Variants in LUZP2 observed in about 807,000 individuals in gnomAD.
LUZP2 encodes the protein leucine zipper protein 2.
A neutral mutation model predicts 51.6 loss-of-function variants in LUZP2; 52 were observed. The ratio of observed to expected loss-of-function variants is 1.01; its 90% confidence interval spans 0.81 to 1.27. The LOEUF (loss-of-function observed/expected upper bound fraction) is 1.27, where lower values mean the gene tolerates loss of function less well. Ranked by LOEUF, LUZP2 falls within the 50% of genes most tolerant of loss-of-function variation. The probability of loss-of-function intolerance (pLI) is 0.00; values close to 1 mark genes in which losing one functional copy is unlikely to be tolerated. For synonymous variants in LUZP2, 154 were observed against 137.3 expected (o/e 1.12, Z -0.85); for missense variants, 436 against 395.4 (o/e 1.10, Z -0.87).
chr11:24,781,421 A>T (rs899851740), intron 5 of LUZP2, among the ~76,000 whole-genome samples: 5 of 151,982 alleles, frequency 3.3e-5, no homozygotes, highest in African/African-American at 1.2e-4. Flanking sequence ...TTACTGCACT[A>T]TTTACCATTG....
intron 3 of LUZP2, among the ~76,000 whole-genome samples, chr11:24,736,251 A>G (rs1384712820): frequency 6.6e-6 from 1 of 151,968 alleles, no homozygotes; most frequent in Non-Finnish European, 1.5e-5. Context: ...ATATTCATAC[A>G]TACTCATTGT....
chr11:24,857,533 C>T (rs369633377), intron 5 of LUZP2, among the ~76,000 whole-genome samples: 1 of 149,142 alleles, frequency 6.7e-6, no homozygotes, highest in African/African-American at 2.5e-5. Flanking sequence ...CCTAGCAAAG[C>T]CCTTTTTCAG....
intron 7 of LUZP2, among the ~76,000 whole-genome samples, chr11:24,964,500 A>T (rs1855524495): frequency 1.3e-5 from 2 of 152,142 alleles, no homozygotes; most frequent in African/African-American, 4.8e-5. Context: ...AGTTTACAGG[A>T]CCACATCTCA....
chr11:24,598,100 CAAA>C (rs200140320), intron 1 of LUZP2, among the ~76,000 whole-genome samples: 8 of 100,268 alleles, frequency 8.0e-5, no homozygotes, highest in Admixed American at 2.2e-4. Flanking sequence ...GACTCTGTCT[CAAA>C]AAAAAAAAAA....
chr11:25,004,611 A>G (rs1322627128), intron 9 of LUZP2, among the ~76,000 whole-genome samples: 1 of 152,176 alleles, frequency 6.6e-6, no homozygotes, highest in Non-Finnish European at 1.5e-5. Context: ...ATAGGGGAGT[A>G]TATTGTCTTA....
intron 5 of LUZP2, among the ~76,000 whole-genome samples, chr11:24,833,387 G>T (rs1479215198): frequency 6.7e-6 from 1 of 149,916 alleles, no homozygotes; most frequent in Non-Finnish European, 1.5e-5. Context: ...AAATAAATTG[G>T]TTTCTCATGA....
intron 5 of LUZP2, among the ~76,000 whole-genome samples, chr11:24,885,081 C>T (rs1852627316): frequency 1.3e-5 from 2 of 151,998 alleles, no homozygotes; most frequent in Non-Finnish European, 2.9e-5. Flanking sequence ...GACAGAGAGA[C>T]ATATCATCAT....
chr11:24,886,307 T>G (rs372299118), intron 5 of LUZP2, among the ~76,000 whole-genome samples: 1 of 152,188 alleles, frequency 6.6e-6, no homozygotes. Context: ...GGTATTTCAC[T>G]TGTCAAAAGC....
chr11:24,829,993 GA>G (rs1850650448), intron 5 of LUZP2, among the ~76,000 whole-genome samples: 1 of 152,062 alleles, frequency 6.6e-6, no homozygotes, highest in African/African-American at 2.4e-5. Flanking sequence ...TGTTTAATGT[GA>G]AGCAGATTTA....
At chr11:24,914,957 G>A (rs575953689) in intron 7 of LUZP2, among the ~76,000 whole-genome samples, 1 of 152,112 alleles carries the variant, frequency 6.6e-6, no homozygotes, top group Non-Finnish European at 1.5e-5. Context: ...TTACTTGTAT[G>A]TAATATGCCA....
chr11:24,748,616 C>A (rs916752833), intron 4 of LUZP2, among the ~76,000 whole-genome samples: 1 of 152,068 alleles, frequency 6.6e-6, no homozygotes, highest in Non-Finnish European at 1.5e-5. Flanking sequence ...CGTGCCACCA[C>A]ACCCAGCTAA....
At chr11:24,521,596 T>C (rs180810485) in intron 1 of LUZP2, among the ~76,000 whole-genome samples, 95 of 152,226 alleles carry the variant, frequency 6.2e-4, no homozygotes, top group African/African-American at 2.1e-3. Context: ...TTGCCCACCT[T>C]ACTTTTCACA....
intron 10 of LUZP2, among the ~76,000 whole-genome samples, chr11:25,075,115 TATA>T (rs1417781297): frequency 6.6e-6 from 1 of 152,180 alleles, no homozygotes; most frequent in Non-Finnish European, 1.5e-5. Flanking sequence ...ACAGAGTGAT[TATA>T]ATATTTCCAG....
intron 1 of LUZP2, among the ~76,000 whole-genome samples, chr11:24,718,325 A>T (rs1032243393): frequency 6.6e-6 from 1 of 152,224 alleles, no homozygotes; most frequent in Non-Finnish European, 1.5e-5. Context: ...AGAGAAGGTG[A>T]GAAGCTAGAC....
intron 5 of LUZP2, among the ~76,000 whole-genome samples, chr11:24,868,168 A>C (rs1377758068): frequency 6.6e-6 from 1 of 152,144 alleles, no homozygotes; most frequent in Non-Finnish European, 1.5e-5. Context: ...TAAGGTGAAG[A>C]CAATTAAGAA....
intron 1 of LUZP2, among the ~76,000 whole-genome samples, chr11:24,621,272 G>A (rs1453653838): frequency 2.0e-5 from 3 of 152,204 alleles, no homozygotes; most frequent in East Asian, 1.9e-4. Context: ...CAAAAGGTTT[G>A]AGATTCAGAA....
At chr11:24,561,488 A>G (rs920119920) in intron 1 of LUZP2, among the ~76,000 whole-genome samples, 4 of 152,176 alleles carry the variant, frequency 2.6e-5, no homozygotes, top group South Asian at 2.1e-4. Flanking sequence ...ACTGTTCTTA[A>G]GAATTACGAG....
chr11:24,876,907 C>T lies in LUZP2; in HGVS notation c.397-29084C>T, dbSNP rs114878539. 3.2e-3 allele frequency among the ~76,000 whole-genome samples: 480 copies of T among 152,150 alleles called. 3 individuals are homozygous for T. Among genetic ancestry groups the T allele is most frequent in the African/African-American group, 0.011 (449 of 41,536 alleles). ...ACGGACAACATTATAGAGGTAGCAA[C>T]GCATCAAATGAGAAGGGGTCTGGTT... On this transcript the variant is annotated intron_variant, in intron 5 of 11. Transcript: ENST00000336930.
chr11:24,794,237 T>G (rs1364462050), intron 5 of LUZP2, among the ~76,000 whole-genome samples: 2 of 152,176 alleles, frequency 1.3e-5, no homozygotes, highest in African/African-American at 2.4e-5. Context: ...CAAGGGTTCA[T>G]TGCACAATGT....
Sources: allele counts gnomAD v4.1 joint callset (sites outside exome capture counted in the v4.1 genomes callset), GRCh38; gene constraint gnomAD v4.1.1; transcripts MANE v1.5; gene names NCBI Gene and HGNC (gene_info 2026-07-23, HGNC 2026-07-21).